FRMD4A: variants seen among roughly 807,000 people sequenced by gnomAD.
FRMD4A encodes FERM domain containing 4A, also known as FERM domain-containing protein 4A.
Under a neutral mutation model 129.1 loss-of-function variants are expected in FRMD4A, and 29 were observed. That is an observed-to-expected ratio of 0.22 (90% confidence interval 0.17 to 0.31). FRMD4A has a LOEUF of 0.31. FRMD4A is among the 10% of genes least tolerant of loss of function. The probability of loss-of-function intolerance (pLI) is 1.00; values close to 1 mark genes in which losing one functional copy is unlikely to be tolerated. For missense variants in FRMD4A, 1,272 were observed against 1,375.8 expected (o/e 0.92, Z 1.19); for synonymous variants, 634 against 571.6 (o/e 1.11, Z -1.56).
intron 16 of FRMD4A, among the ~76,000 whole-genome samples, chr10:13,671,643 C>T (rs777234006): frequency 8.5e-5 from 13 of 152,074 alleles, no homozygotes; most frequent in Non-Finnish European, 1.5e-4. Flanking sequence ...GATCTGGGGG[C>T]GATTCAAGAT....
intron 12 of FRMD4A, among the ~76,000 whole-genome samples, chr10:13,728,370 T>A (rs1315286204): frequency 6.6e-6 from 1 of 151,982 alleles, no homozygotes; most frequent in East Asian, 1.9e-4. Flanking sequence ...ATGGAAATGC[T>A]GGTATCCTGC....
At chr10:14,111,474 G>A (rs907052186) in intron 2 of FRMD4A, among the ~76,000 whole-genome samples, 1 of 152,096 alleles carries the variant, frequency 6.6e-6, no homozygotes, top group Non-Finnish European at 1.5e-5. Flanking sequence ...TTTAGCTCAG[G>A]AATTACTTCA....
At chr10:14,294,062 TAC>T (rs1845932178) in intron 2 of FRMD4A, among the ~76,000 whole-genome samples, 1 of 152,136 alleles carries the variant, frequency 6.6e-6, no homozygotes, top group Non-Finnish European at 1.5e-5. Context: ...TCACCCAAAA[TAC>T]AGACTGGTTG....
chr10:13,860,286 A>T (rs2094276355), intron 2 of FRMD4A, among the ~76,000 whole-genome samples: 1 of 152,242 alleles, frequency 6.6e-6, no homozygotes. Context: ...CATAAAAATA[A>T]TTAGGAAGGG....
chr10:14,044,219 C>CTT (rs1588857246), intron 2 of FRMD4A, among the ~76,000 whole-genome samples: 1 of 152,220 alleles, frequency 6.6e-6, no homozygotes, highest in East Asian at 1.9e-4. Context: ...TTTCCTGTCG[C>CTT]CCCTTTACTT....
rs553682293 is a variant in FRMD4A, at chr10:13,914,106, C to T, written c.46-55194G>A. 5.7e-4 allele frequency among the ~76,000 whole-genome samples: 87 copies of T among 152,314 alleles called. 1 individual carries two copies. Among genetic ancestry groups the T allele is most frequent in the African/African-American group, 1.9e-3 (80 of 41,572 alleles). On this transcript the variant is annotated intron_variant, in intron 2 of 24. Transcript: ENST00000357447. ...TGGCCTCTGCTCAAGAAGAGGAAGG[C>T]GCGGGCAGATGCCTTCTGTTGTCTA...
chr10:14,275,208 C>T (rs1283838528), intron 2 of FRMD4A, among the ~76,000 whole-genome samples: 1 of 152,184 alleles, frequency 6.6e-6, no homozygotes, highest in Non-Finnish European at 1.5e-5. Context: ...TGACTCTGAC[C>T]TCCCAGGACT....
At chr10:13,833,240 A>G (rs2093817992) in intron 3 of FRMD4A, among the ~76,000 whole-genome samples, 1 of 152,146 alleles carries the variant, frequency 6.6e-6, no homozygotes, top group Admixed American at 6.5e-5. Flanking sequence ...ATGGCTGGGG[A>G]GGCCTCACAA....
At chr10:13,848,893 T>G (rs1417486522) in intron 3 of FRMD4A, among the ~76,000 whole-genome samples, 1 of 152,214 alleles carries the variant, frequency 6.6e-6, no homozygotes, top group Non-Finnish European at 1.5e-5. Flanking sequence ...TATTTCTTAT[T>G]CCTCTCCATC....
intron 2 of FRMD4A, among the ~76,000 whole-genome samples, chr10:13,879,676 CTTCT>C (rs1184385409): frequency 1.1e-5 from 1 of 93,384 alleles, no homozygotes; most frequent in African/African-American, 3.6e-5. Context: ...CTTCCTCCTC[CTTCT>C]TCTTTCTCTT....
At chr10:14,312,505 T>C (rs1482867191) in intron 2 of FRMD4A, among the ~76,000 whole-genome samples, 1 of 152,252 alleles carries the variant, frequency 6.6e-6, no homozygotes, top group Admixed American at 6.5e-5. Flanking sequence ...GAATCTATCC[T>C]ACATTATACA....
intron 2 of FRMD4A, among the ~76,000 whole-genome samples, chr10:13,870,119 C>A (rs1206418247): frequency 1.3e-5 from 2 of 152,220 alleles, no homozygotes; most frequent in Non-Finnish European, 2.9e-5. Flanking sequence ...GCAGTCTGAA[C>A]AGAGGCAGAG....
At position 13,939,236 on chromosome 10, in the gene FRMD4A, T is replaced by C. The variant is rs998779538; in HGVS notation, c.46-80324A>G. On this transcript the variant is annotated intron_variant, in intron 2 of 24. Coordinates refer to ENST00000357447, the MANE Select transcript of FRMD4A (RefSeq NM_018027.5). The stretch of plus-strand genomic sequence containing the variant: ...AGGGTGAGATTAGGGAGTGAAACCA[T>C]CCTGGAGAGCGTTTAAGGTTTTGAA... Among the ~76,000 whole-genome samples, 5 of 152,326 alleles carry C rather than the reference T, an allele frequency of 3.3e-5. No homozygotes were observed. In the East Asian group the frequency reaches 9.6e-4, roughly 29 times the overall value.
intron 2 of FRMD4A, among the ~76,000 whole-genome samples, chr10:13,987,127 G>C (rs1399318439): frequency 2.0e-5 from 3 of 152,110 alleles, no homozygotes; most frequent in Non-Finnish European, 2.9e-5. Flanking sequence ...GGGTGATTGA[G>C]AGAAATAGAA....
rs747119562 is a variant in FRMD4A, at chr10:13,670,508, T to A, written c.1272A>T (p.Pro424=). ...LREAELTGKL[P]VEYPLDPGEE... The stretch of plus-strand genomic sequence containing the variant: ...CCCCTGGATCCAGGGGATATTCTAC[T>A]GGCAGCTTGCCCGTGAGCTCCTGCA... Residue 424 remains proline, a synonymous_variant, in exon 17 of 25, where the codon CCA becomes CCT. Coordinates refer to ENST00000357447, the MANE Select transcript of FRMD4A (RefSeq NM_018027.5). 2 of 1,613,162 alleles carry A rather than the reference T, an allele frequency of 1.2e-6. No homozygotes were observed. Among genetic ancestry groups the A allele is most frequent in the South Asian group, 2.2e-5 (2 of 91,036 alleles).
chr10:14,185,406 C>T (rs991137710), intron 2 of FRMD4A, among the ~76,000 whole-genome samples: 2 of 152,166 alleles, frequency 1.3e-5, no homozygotes, highest in Admixed American at 6.5e-5. Flanking sequence ...AAAAAATCTA[C>T]CACCCTAAGC....
intron 5 of FRMD4A, among the ~76,000 whole-genome samples, chr10:13,783,532 A>G (rs535976440): frequency 2.2e-5 from 3 of 137,378 alleles, no homozygotes; most frequent in Non-Finnish European, 4.6e-5. Context: ...CTACAGTTGC[A>G]TACCACCACG....
chr10:13,904,031 C>T (rs1384829363), intron 2 of FRMD4A, among the ~76,000 whole-genome samples: 2 of 152,328 alleles, frequency 1.3e-5, no homozygotes, highest in Middle Eastern at 3.4e-3. Flanking sequence ...TGTCGCTCCA[C>T]TTCTGAAATA....
At chr10:13,804,027 C>G (rs970439836) in intron 4 of FRMD4A, among the ~76,000 whole-genome samples, 1 of 152,334 alleles carries the variant, frequency 6.6e-6, no homozygotes, top group South Asian at 2.1e-4. Context: ...TAGCTGCACA[C>G]AGAAAGAGCT....
Sources: allele counts gnomAD v4.1 joint callset (sites outside exome capture counted in the v4.1 genomes callset), GRCh38; gene constraint gnomAD v4.1.1; transcripts MANE v1.5; gene names NCBI Gene and HGNC (gene_info 2026-07-23, HGNC 2026-07-21).